Variants in NARS2 observed in about 807,000 individuals in gnomAD.
The protein encoded by NARS2 is asparaginyl-tRNA synthetase.
In NARS2, 60 loss-of-function variants were observed where a neutral mutation model predicts 62.9. That is an observed-to-expected ratio of 0.95 (90% CI 0.77 to 1.18). The LOEUF (loss-of-function observed/expected upper bound fraction) is 1.18. Among genes scored for constraint, NARS2 ranks in the 50% most tolerant of loss-of-function variants. The pLI is 0.00. For synonymous variants in NARS2, 196 were observed against 200.0 expected (o/e 0.98, Z 0.17); for missense variants, 619 against 576.4 (o/e 1.07, Z -0.76).
At chr11:78,554,500 C>CGTGTGCGTGTGT (rs1555041386) in intron 5 of NARS2, among the ~76,000 whole-genome samples, 2 of 42,498 alleles carry the variant, frequency 4.7e-5, no homozygotes, top group Non-Finnish European at 8.9e-5. Context: ...TATTCCTAGG[C>CGTGTGCGTGTGT]GTGTGTGCGT....
Position 78,466,010 on chromosome 11 carries a change from C to A in NARS2, c.1030G>T (p.Gly344Cys), listed in dbSNP as rs1261590594. 2 of 1,593,944 alleles carry A rather than the reference C, an allele frequency of 1.3e-6. No individual in the cohort carries two copies. Among genetic ancestry groups the A allele is most frequent in the African/African-American group, 1.4e-5 (1 of 73,802 alleles). ...TCATGTTCAGTCCGTAGGTCAGCACCCCACTGTAATGAGAAGAAAGAAATG... is the reference window on the plus strand; with the variant it reads ...TCATGTTCAGTCCGTAGGTCAGCACACCACTGTAATGAGAAGAAAGAAATG... ...SQNFTFTPEW[G>C]ADLRTEHEKY... Residue 344 changes from glycine (G) to cysteine (C), a missense_variant, in exon 11 of 14, where the codon GGT becomes TGT. By Grantham distance (159) the Gly-to-Cys change is radical (BLOSUM62 -3). Transcript: ENST00000281038.
rs770592449 is a variant in NARS2, at chr11:78,504,434, G to GTTTGGT, written c.690-11240_690-11239insACCAAA. Among the ~76,000 whole-genome samples, 18 of 61,394 alleles carry GTTTGGT rather than the reference G, an allele frequency of 2.9e-4. 1 individual carries two copies. The highest frequency in any genetic ancestry group is 6.0e-4 in the South Asian group (1 of 1,662). The allele number at this position is 61,394 out of a possible 152,430, so 40.3% of individuals were successfully genotyped here. On this transcript the variant is annotated intron_variant, in intron 6 of 13. Transcript: ENST00000281038. ...ACCTGTTTCATGTGGCAAAACACCAGTTTTTTTTTTTTTTTTTTTTTTCTG... is the reference window on the plus strand; with the variant it reads ...ACCTGTTTCATGTGGCAAAACACCAGTTTGGTTTTTTTTTTTTTTTTTTTTTTTCTG...
chr11:78,493,056 T>C lies in NARS2; in HGVS notation c.822+7A>G, dbSNP rs781181621. On this transcript the variant is annotated splice_region_variant and intron_variant, in intron 7 of 13. Coordinates refer to ENST00000281038, the MANE Select transcript of NARS2 (RefSeq NM_024678.6). ...GATACCTGGTATTTTAAAACTTGTG[T>C]ACCTACCTGCATAAGATCTTGAAGG... 5.0e-6 allele frequency: 8 copies of C among 1,604,728 alleles called. No homozygotes were observed. In the African/African-American group the frequency reaches 6.8e-5, roughly 14 times the overall value.
intron 13 of NARS2, among the ~76,000 whole-genome samples, chr11:78,440,357 C>G (rs1185935937): frequency 6.6e-6 from 1 of 152,050 alleles, no homozygotes; most frequent in Admixed American, 6.5e-5. Flanking sequence ...AGCCACCATG[C>G]CCGGCCGAGC....
At chr11:78,574,050 A>C (rs1857022541) in intron 1 of NARS2, among the ~76,000 whole-genome samples, 1 of 152,194 alleles carries the variant, frequency 6.6e-6, no homozygotes, top group Non-Finnish European at 1.5e-5. Flanking sequence ...CTGGATATTC[A>C]TTATAAGGGA....
chr11:78,522,233 T>C (rs145792031), intron 6 of NARS2, among the ~76,000 whole-genome samples: 105 of 151,970 alleles, frequency 6.9e-4, no homozygotes, highest in African/African-American at 2.3e-3. Flanking sequence ...ACTGGGATTA[T>C]AGGCATGAGC....
intron 5 of NARS2, among the ~76,000 whole-genome samples, chr11:78,551,799 CAAGAT>C (rs1856127118): frequency 6.6e-6 from 1 of 151,424 alleles, no homozygotes; most frequent in Non-Finnish European, 1.5e-5. Flanking sequence ...TGCAGTGAGC[CAAGAT>C]TGCGCCATTG....
chr11:78,459,052 C>T (rs1028565510), intron 11 of NARS2, among the ~76,000 whole-genome samples: 9 of 151,914 alleles, frequency 5.9e-5, no homozygotes, highest in Non-Finnish European at 7.4e-5. Context: ...CGAGCTGGGA[C>T]TACAGGTGCC....
intron 6 of NARS2, among the ~76,000 whole-genome samples, chr11:78,497,409 G>C (rs1433977848): frequency 1.3e-5 from 2 of 152,074 alleles, no homozygotes; most frequent in African/African-American, 4.8e-5. Context: ...CATTTTGAAA[G>C]AACAGAGGAA....
At chr11:78,510,038 T>A (rs1008155155) in intron 6 of NARS2, among the ~76,000 whole-genome samples, 1 of 151,730 alleles carries the variant, frequency 6.6e-6, no homozygotes, top group Non-Finnish European at 1.5e-5. Flanking sequence ...AAGAACCAAC[T>A]AAAGAAAAAC....
At chr11:78,529,475 A>G (rs1297268459) in intron 5 of NARS2, among the ~76,000 whole-genome samples, 1 of 152,244 alleles carries the variant, frequency 6.6e-6, no homozygotes, top group Non-Finnish European at 1.5e-5. Flanking sequence ...GCATGACTCT[A>G]TCTTTAAAAG....
chr11:78,535,615 C>T (rs77046823), intron 5 of NARS2, among the ~76,000 whole-genome samples: 20 of 151,472 alleles, frequency 1.3e-4, no homozygotes, highest in African/African-American at 4.8e-4. Flanking sequence ...ATATAACATT[C>T]AGAGATCCAG....
intron 6 of NARS2, among the ~76,000 whole-genome samples, chr11:78,517,153 G>C (rs893071924): frequency 2.6e-5 from 4 of 152,214 alleles, no homozygotes; most frequent in African/African-American, 9.6e-5. Flanking sequence ...CAGTTTAGGA[G>C]AGCTGAAGCA....
chr11:78,557,794 T>C (rs1856410502), intron 5 of NARS2, among the ~76,000 whole-genome samples: 1 of 148,328 alleles, frequency 6.7e-6, no homozygotes, highest in Admixed American at 6.8e-5. Context: ...ATAAAATATG[T>C]ATATATATCA....
chr11:78,556,911 C>T (rs748462434), intron 5 of NARS2, among the ~76,000 whole-genome samples: 2 of 152,194 alleles, frequency 1.3e-5, no homozygotes, highest in Admixed American at 1.3e-4. Context: ...GAAAAGCATG[C>T]TCCTTCCCTT....
chr11:78,571,103 A>C (rs111691342), intron 2 of NARS2, among the ~76,000 whole-genome samples: 1 of 152,220 alleles, frequency 6.6e-6, no homozygotes, highest in Non-Finnish European at 1.5e-5. Context: ...GAAAGACTGA[A>C]GTGAAGCATA....
intron 5 of NARS2, among the ~76,000 whole-genome samples, chr11:78,550,012 A>G (rs1306003205): frequency 6.6e-6 from 1 of 152,228 alleles, no homozygotes; most frequent in African/African-American, 2.4e-5. Flanking sequence ...TATGTACATA[A>G]AAGACGTCCA....
In NARS2 at chr11:78,478,530, A is replaced by G. The variant is rs1442748003; in HGVS notation, c.921+55T>C. 19 of 1,290,808 alleles carry G rather than the reference A, an allele frequency of 1.5e-5. 1 individual carries two copies. In the East Asian group the frequency reaches 2.6e-4, roughly 18 times the overall value. 80.0% of individuals were successfully genotyped at this position (1,290,808 alleles called of 1,614,324 possible). On this transcript the variant is annotated intron_variant, in intron 8 of 13. Transcript: ENST00000281038. ...AAAAATATAATTTTATTCATTATGT[A>G]TAATTAACACATTAAACAGTAGATG...
chr11:78,457,827 C>A (rs985269998), intron 11 of NARS2, among the ~76,000 whole-genome samples: 5 of 150,702 alleles, frequency 3.3e-5, no homozygotes, highest in African/African-American at 4.9e-5. Flanking sequence ...CACACACACA[C>A]AAACACACAC....
Sources: allele counts gnomAD v4.1 joint callset (sites outside exome capture counted in the v4.1 genomes callset), GRCh38; gene constraint gnomAD v4.1.1; transcripts MANE v1.5; gene names NCBI Gene and HGNC (gene_info 2026-07-23, HGNC 2026-07-21).